The following SLX9 variants were observed in gnomAD, a reference collection of about 807,000 sequenced individuals.
SLX9 encodes the protein SLX9 ribosome biogenesis factor.
A neutral mutation model predicts 20.8 loss-of-function variants in SLX9; 19 were observed. That is an observed-to-expected ratio of 0.91 (90% CI 0.64 to 1.34). The LOEUF is 1.34. Among genes scored for constraint, SLX9 ranks in the 40% most tolerant of loss-of-function variants. The probability of loss-of-function intolerance (pLI) is 0.00; values close to 1 mark genes in which losing one functional copy is unlikely to be tolerated. For missense variants in SLX9, 299 were observed against 322.2 expected, an observed-to-expected ratio of 0.93 and a Z score of 0.55; for synonymous variants, 113 against 137.1, an observed-to-expected ratio of 0.82 and a Z score of 1.23.
intron 5 of SLX9, among the ~76,000 whole-genome samples, chr21:44,973,875 C>A (rs1037187431): frequency 6.6e-6 from 1 of 152,176 alleles, no homozygotes; most frequent in Non-Finnish European, 1.5e-5. Flanking sequence ...GGTCAAGTCC[C>A]GCCTCCCAGG....
intron 5 of SLX9, among the ~76,000 whole-genome samples, chr21:44,973,749 G>C (rs953385823): frequency 6.7e-6 from 1 of 150,218 alleles, no homozygotes; most frequent in Non-Finnish European, 1.5e-5. Context: ...TGCCCTCCCA[G>C]GGGTTCAGCG....
chr21:44,947,730 C>G (rs558034527), intron 2 of SLX9, among the ~76,000 whole-genome samples: 6 of 152,290 alleles, frequency 3.9e-5, no homozygotes, highest in African/African-American at 1.4e-4. Context: ...GGGAGGGACC[C>G]TCTGAGCTCT....
intron 4 of SLX9, among the ~76,000 whole-genome samples, chr21:44,968,211 C>T (rs921858836): frequency 7.5e-5 from 11 of 145,740 alleles, no homozygotes; most frequent in Admixed American, 1.3e-4. Flanking sequence ...CACCCAGTGA[C>T]GCAACCCCCA....
chr21:44,976,639 G>C, intron 5 of SLX9, 41 bp from the exon 6 acceptor site: 1 of 1,561,330 alleles, frequency 6.4e-7, no homozygotes, highest in South Asian at 1.2e-5. Context: ...TGAGGGGTCC[G>C]GGGGTTCCTG....
intron 2 of SLX9, among the ~76,000 whole-genome samples, chr21:44,949,444 C>T (rs2084711775): frequency 6.6e-6 from 1 of 152,112 alleles, no homozygotes; most frequent in Non-Finnish European, 1.5e-5. Context: ...GCCGGGTGGA[C>T]ACAGGGACCA....
intron 4 of SLX9, among the ~76,000 whole-genome samples, chr21:44,967,607 G>A (rs1381020958): frequency 1.3e-5 from 2 of 152,168 alleles, no homozygotes; most frequent in Non-Finnish European, 2.9e-5. Context: ...TCTGACAGGG[G>A]CTGCAGTCTC....
Position 44,973,208 on chromosome 21 carries a change from A to G in SLX9, c.512A>G (p.Asn171Ser), listed in dbSNP as rs1157467383. ...SRRQARSRES[N>S]KPRPSELSRM... is the part of the protein sequence containing the mutation. ...CTCTGTGTCCACAGCAGGGAGAGCA[A>G]CAAGCCCCGGCCCTCAGAGCTCAGC... The change falls in exon 5 of 6, where the codon AAC becomes AGC. Residue 171 changes from asparagine (N) to serine (S), a missense_variant. Transcript: ENST00000291634. The G allele has an allele frequency of 4.3e-6, 7 of 1,613,118 alleles. No homozygotes were observed. The highest frequency in any genetic ancestry group is 5.9e-6 in the Non-Finnish European group (7 of 1,179,758).
chr21:44,967,185 A>G lies in SLX9; in HGVS notation c.500+4A>G, dbSNP rs778242001. On this transcript the variant is annotated splice_donor_region_variant and intron_variant, in intron 4 of 5. Transcript: ENST00000291634. ...GCAGCCGGCGCCAAGCCCGCAGGTGAGTGTCCGGGAGGGGTGGCCCTTTCC... is the reference window on the plus strand; with the variant it reads ...GCAGCCGGCGCCAAGCCCGCAGGTGGGTGTCCGGGAGGGGTGGCCCTTTCC... The G allele has an allele frequency of 1.9e-6, 3 of 1,567,076 alleles. No individual in the cohort carries two copies. The highest frequency in any genetic ancestry group is 3.7e-5 in the Admixed American group (2 of 53,754).
chr21:44,945,453 C>T (rs1010268869), intron 2 of SLX9, among the ~76,000 whole-genome samples: 2 of 152,240 alleles, frequency 1.3e-5, no homozygotes, highest in Non-Finnish European at 2.9e-5. Flanking sequence ...CCTCTTTCCT[C>T]TGCCTTTTCT....
chr21:44,959,728 C>T (rs916902425), intron 2 of SLX9, among the ~76,000 whole-genome samples: 70 of 152,352 alleles, frequency 4.6e-4, no homozygotes, highest in Non-Finnish European at 8.4e-4. Flanking sequence ...CTGTCCTGTT[C>T]GTGGCCCCCT....
At chr21:44,949,891 C>T (rs148798880) in intron 2 of SLX9, among the ~76,000 whole-genome samples, 5 of 152,306 alleles carry the variant, frequency 3.3e-5, no homozygotes, top group African/African-American at 7.2e-5. Flanking sequence ...GTGGAGGGCG[C>T]GACCTTGGCT....
intron 4 of SLX9, among the ~76,000 whole-genome samples, chr21:44,969,944 TG>T (rs1007920402): frequency 9.7e-3 from 3 of 308 alleles, no homozygotes; most frequent in African/African-American, 0.036. Context: ...GCCTGTCAGC[TG>T]AAGATCTGTC....
Position 44,958,649 on chromosome 21 carries a change from G to A in SLX9, c.284-1451G>A, listed in dbSNP as rs146259560. On this transcript the variant is annotated intron_variant, in intron 2 of 5. Coordinates refer to ENST00000291634, the MANE Select transcript of SLX9 (RefSeq NM_058190.4). ...GGGGGAGCAGGCGTGAACCTGTGCC[G>A]GAGCACTTCAGCAAGGGCGCCTTGG... 3.9e-4 allele frequency among the ~76,000 whole-genome samples: 60 copies of A among 152,364 alleles called. 2 individuals carry two copies. The East Asian group carries it at 0.01, about 26-fold the overall frequency.
chr21:44,939,700 C>T (rs1207215315), upstream of SLX9: 1 of 466,520 alleles, frequency 2.1e-6, no homozygotes. Flanking sequence ...CGCGAGACTC[C>T]TTCTCAAATA....
chr21:44,962,951 A>G (rs962661316), intron 3 of SLX9, among the ~76,000 whole-genome samples: 1 of 152,170 alleles, frequency 6.6e-6, no homozygotes, highest in African/African-American at 2.4e-5. Context: ...TTTCAGCGTC[A>G]GTGAAATTCA....
intron 1 of SLX9, among the ~76,000 whole-genome samples, chr21:44,942,772 AC>A (rs1453024748): frequency 6.6e-6 from 1 of 151,930 alleles, no homozygotes; most frequent in Non-Finnish European, 1.5e-5. Flanking sequence ...GGAAAACTAA[AC>A]CACATGGGGA....
chr21:44,943,231 G>C (rs1052244191), intron 1 of SLX9, among the ~76,000 whole-genome samples: 7 of 152,216 alleles, frequency 4.6e-5, no homozygotes, highest in Non-Finnish European at 1.5e-5. Flanking sequence ...ACCTGGCAGA[G>C]AGGCTGCTGA....
At chr21:44,971,736 C>G (rs59163354) in intron 4 of SLX9, among the ~76,000 whole-genome samples, 10,412 of 152,170 alleles carry the variant, frequency 0.068, 1,179 homozygotes, top group African/African-American at 0.23. Flanking sequence ...AGGATGGGGA[C>G]CGGGGACAGC....
chr21:44,971,208 G>A (rs2085140848), intron 4 of SLX9, among the ~76,000 whole-genome samples: 1 of 70,546 alleles, frequency 1.4e-5, no homozygotes, highest in Non-Finnish European at 3.3e-5. Context: ...GCTCCTGCCT[G>A]GAGGGAGTGC....
Sources: allele counts gnomAD v4.1 joint callset (sites outside exome capture counted in the v4.1 genomes callset), GRCh38; gene constraint gnomAD v4.1.1; transcripts MANE v1.5; gene names NCBI Gene and HGNC (gene_info 2026-07-23, HGNC 2026-07-21).